The following SERGEF variants were observed in gnomAD, a reference collection of about 807,000 sequenced individuals.
The protein encoded by SERGEF is secretion regulating guanine nucleotide exchange factor.
A neutral mutation model predicts 50.0 loss-of-function variants in SERGEF; 51 were observed. That is an observed-to-expected ratio of 1.02 (90% CI 0.81 to 1.29). SERGEF has a LOEUF of 1.29. Ranked by LOEUF, SERGEF falls within the 50% of genes most tolerant of loss-of-function variation. The pLI, the probability that SERGEF is intolerant of heterozygous loss-of-function variation, is 0.00. For synonymous variants in SERGEF, 205 were observed against 212.4 expected, an observed-to-expected ratio of 0.97 and a Z score of 0.30; for missense variants, 521 against 557.0, an observed-to-expected ratio of 0.94 and a Z score of 0.65.
intron 10 of SERGEF, among the ~76,000 whole-genome samples, chr11:17,833,102 T>C (rs964866336): frequency 4.6e-5 from 7 of 152,144 alleles, no homozygotes; most frequent in African/African-American, 7.2e-5. Flanking sequence ...CTCCAGGGCA[T>C]GTCAGAGCAG....
At chr11:17,881,001 A>C (rs79163079) in intron 9 of SERGEF, among the ~76,000 whole-genome samples, 8,819 of 152,236 alleles carry the variant, frequency 0.058, 868 homozygotes, top group African/African-American at 0.2. Context: ...ATCACATTTT[A>C]GTCATCACAA....
intron 9 of SERGEF, among the ~76,000 whole-genome samples, chr11:17,896,000 C>A (rs1288046375): frequency 1.3e-5 from 2 of 152,186 alleles, no homozygotes; most frequent in Admixed American, 1.3e-4. Flanking sequence ...CTATGGGGTA[C>A]CTACATTACT....
At chr11:17,974,013 A>C (rs1236307467) in intron 8 of SERGEF, among the ~76,000 whole-genome samples, 1 of 152,194 alleles carries the variant, frequency 6.6e-6, no homozygotes, top group Non-Finnish European at 1.5e-5. Flanking sequence ...GTTTGGGGTT[A>C]AAGTCCACTG....
At chr11:17,855,087 G>GA in intron 10 of SERGEF, 1 of 152,278 alleles carries the variant, frequency 6.6e-6, no homozygotes, top group East Asian at 1.9e-4. Context: ...AACTTCATTT[G>GA]AAAATTATAA....
chr11:17,911,679 G>C (rs1162743076), intron 9 of SERGEF, among the ~76,000 whole-genome samples: 4 of 151,890 alleles, frequency 2.6e-5, no homozygotes, highest in African/African-American at 7.3e-5. Flanking sequence ...GTAGAGATGG[G>C]ATTTCATCAT....
At chr11:17,911,289 GT>G (rs1218661275) in intron 9 of SERGEF, among the ~76,000 whole-genome samples, 4 of 146,076 alleles carry the variant, frequency 2.7e-5, no homozygotes, top group Non-Finnish European at 6.0e-5. Context: ...GCTCTGGGAA[GT>G]TTTTTGTTTA....
intron 10 of SERGEF, among the ~76,000 whole-genome samples, chr11:17,868,664 C>T (rs1411189829): frequency 6.6e-6 from 1 of 152,120 alleles, no homozygotes; most frequent in African/African-American, 2.4e-5. Context: ...CTAATAAAGA[C>T]ATACCTGAGA....
intron 10 of SERGEF, among the ~76,000 whole-genome samples, chr11:17,842,845 AAG>A (rs1163693579): frequency 6.6e-6 from 1 of 152,206 alleles, no homozygotes; most frequent in Non-Finnish European, 1.5e-5. Flanking sequence ...CTTGGTTTGA[AAG>A]AGAGACTTTT....
At chr11:17,904,460 C>A (rs1265815266) in intron 9 of SERGEF, among the ~76,000 whole-genome samples, 2 of 152,230 alleles carry the variant, frequency 1.3e-5, no homozygotes, top group Non-Finnish European at 2.9e-5. Flanking sequence ...CCTTTCAATT[C>A]CTTTAATGTA....
At chr11:17,920,173 T>TGG in intron 9 of SERGEF, among the ~76,000 whole-genome samples, 1 of 149,990 alleles carries the variant, frequency 6.7e-6, no homozygotes, top group Non-Finnish European at 1.5e-5. Flanking sequence ...CTTGAACCCA[T>TGG]GAAGCAGAGA....
chr11:17,892,002 G>A (rs1351999252), intron 9 of SERGEF, among the ~76,000 whole-genome samples: 1 of 152,182 alleles, frequency 6.6e-6, no homozygotes, highest in Admixed American at 6.5e-5. Flanking sequence ...AAATTCTGGA[G>A]TAGGACTATG....
At chr11:18,000,459 T>C in intron 5 of SERGEF, 38 bp downstream of exon 5, 4 of 1,411,222 alleles carry the variant, frequency 2.8e-6, no homozygotes, top group Non-Finnish European at 3.9e-6. Context: ...TAAAAAGTAT[T>C]AAAAATAAAA....
At chr11:17,922,024 G>A (rs931125967) in intron 9 of SERGEF, among the ~76,000 whole-genome samples, 5 of 152,120 alleles carry the variant, frequency 3.3e-5, no homozygotes, top group Non-Finnish European at 7.4e-5. Context: ...CCACCACCAA[G>A]CCTCATGGAC....
At chr11:18,003,321 AG>A (rs1854003373) in intron 4 of SERGEF, among the ~76,000 whole-genome samples, 1 of 152,218 alleles carries the variant, frequency 6.6e-6, no homozygotes, top group Non-Finnish European at 1.5e-5. Flanking sequence ...CTTCACAAAA[AG>A]GGGTGATTTT....
chr11:17,988,345 T>C (rs1311870788), intron 8 of SERGEF, among the ~76,000 whole-genome samples: 1 of 152,188 alleles, frequency 6.6e-6, no homozygotes, highest in East Asian at 1.9e-4. Flanking sequence ...ATGGATCCCT[T>C]CTCAAAACCT....
intron 8 of SERGEF, among the ~76,000 whole-genome samples, chr11:17,961,789 C>A (rs1368863821): frequency 6.6e-6 from 1 of 152,164 alleles, no homozygotes; most frequent in South Asian, 2.1e-4. Flanking sequence ...TAGTCTCAAG[C>A]CTAAATTTAA....
chr11:17,872,040 G>A (rs1421757452), intron 10 of SERGEF, among the ~76,000 whole-genome samples: 2 of 152,212 alleles, frequency 1.3e-5, no homozygotes. Flanking sequence ...TAAATAAGTT[G>A]TGGTATATTT....
intron 9 of SERGEF, among the ~76,000 whole-genome samples, chr11:17,934,364 T>C (rs1244960184): frequency 6.6e-6 from 1 of 152,164 alleles, no homozygotes; most frequent in African/African-American, 2.4e-5. Context: ...ATCACAGAGC[T>C]AGACAAATAT....
intron 7 of SERGEF, among the ~76,000 whole-genome samples, chr11:17,990,695 G>C (rs1342065208): frequency 6.6e-6 from 1 of 152,128 alleles, no homozygotes; most frequent in Non-Finnish European, 1.5e-5. Flanking sequence ...CCACTCCAGA[G>C]AAAGTGTCTA....
Sources: gnomAD v4.1 joint callset for allele counts (sites outside exome capture counted in the v4.1 genomes callset) on GRCh38, gnomAD v4.1.1 for gene constraint, MANE v1.5 for transcripts, NCBI Gene and HGNC (gene_info 2026-07-23, HGNC 2026-07-21) for gene names.